The following PM20D1 variants were observed in gnomAD, a reference collection of about 807,000 sequenced individuals.
The protein encoded by PM20D1 is peptidase M20 domain containing 1.
A neutral mutation model predicts 53.8 loss-of-function variants in PM20D1; 53 were observed. That is an observed-to-expected ratio of 0.98 (90% CI 0.79 to 1.24). The LOEUF is 1.24. PM20D1 is among the 50% of genes most tolerant of loss of function. The probability of loss-of-function intolerance (pLI) is 0.00; values close to 1 mark genes in which losing one functional copy is unlikely to be tolerated. For missense variants in PM20D1, 564 were observed against 616.8 expected (o/e 0.91, Z 0.91); for synonymous variants, 239 against 241.3 (o/e 0.99, Z 0.09).
At position 205,832,739 on chromosome 1, in the gene PM20D1, CCACAATGTT is replaced by C. The variant is rs1656589392; in HGVS notation, c.1135_1143del (p.Asn379_Val381del). The stretch of plus-strand genomic sequence containing the variant: ...ACATGGAACTGGACTCTGTTATCAG[CCACAATGTT>C]CTTCGTGAGTTCTAGGACCTCCAGG... On this transcript the variant is annotated inframe_deletion, in exon 11 of 13. Transcript: ENST00000367136. The C allele has an allele frequency of 6.2e-7, 1 of 1,607,214 alleles. No homozygotes were observed. The highest frequency in any genetic ancestry group is 8.5e-7 in the Non-Finnish European group (1 of 1,176,990).
chr1:205,835,449 G>A (rs567483061), intron 10 of PM20D1, among the ~76,000 whole-genome samples: 1 of 151,980 alleles, frequency 6.6e-6, no homozygotes, highest in Non-Finnish European at 1.5e-5. Flanking sequence ...TCAGGAGATC[G>A]AGACCATCCT....
chr1:205,839,227 A>G (rs1191505994), intron 10 of PM20D1, among the ~76,000 whole-genome samples: 2 of 152,196 alleles, frequency 1.3e-5, no homozygotes, highest in African/African-American at 4.8e-5. Flanking sequence ...GCCACAATGA[A>G]TGTCTTACTT....
intron 10 of PM20D1, among the ~76,000 whole-genome samples, chr1:205,839,721 C>CA (rs959875406): frequency 1.3e-5 from 2 of 150,274 alleles, no homozygotes; most frequent in African/African-American, 4.9e-5. Flanking sequence ...ATACAAAGTA[C>CA]AAAAAATACA....
intron 1 of PM20D1, among the ~76,000 whole-genome samples, chr1:205,849,020 C>T (rs1388135790): frequency 6.6e-6 from 1 of 152,190 alleles, no homozygotes; most frequent in Non-Finnish European, 1.5e-5. Context: ...ATTATTTATG[C>T]TTTGGGAAAG....
At chr1:205,833,916 C>T (rs1301680308) in intron 10 of PM20D1, among the ~76,000 whole-genome samples, 4 of 151,590 alleles carry the variant, frequency 2.6e-5, no homozygotes, top group Non-Finnish European at 5.9e-5. Flanking sequence ...GGTGCGATCT[C>T]GGCTTACTGC....
intron 12 of PM20D1, 87 bp downstream of exon 12, chr1:205,830,193 G>T: frequency 1.9e-6 from 2 of 1,037,922 alleles, no homozygotes; most frequent in Non-Finnish European, 2.9e-6. Context: ...CCCTGATTCT[G>T]TGGACTGCCA....
chr1:205,835,715 G>C (rs972694907), intron 10 of PM20D1, among the ~76,000 whole-genome samples: 1 of 147,784 alleles, frequency 6.8e-6, no homozygotes, highest in African/African-American at 2.5e-5. Flanking sequence ...CACATGGTAA[G>C]CACTCAAAAA....
At chr1:205,847,006 CTTTTTTT>C (rs778538865) in intron 2 of PM20D1, among the ~76,000 whole-genome samples, 22 of 44,672 alleles carry the variant, frequency 4.9e-4, no homozygotes, top group South Asian at 3.7e-3. Context: ...TCCTTCCTTT[CTTTTTTT>C]TTTTTTTTTT....
In PM20D1 at chr1:205,845,311, A is replaced by T. The variant is rs1339990647; in HGVS notation, c.489+14T>A. 56 of 1,610,022 alleles carry T rather than the reference A, an allele frequency of 3.5e-5. No individual in the cohort carries two copies. The highest frequency in any genetic ancestry group is 4.5e-5 in the Non-Finnish European group (53 of 1,176,348). ...TTTAGGGCCCCAAGGCAGAGGGAAC[A>T]TTGCATCTCAGACCATCACAGAGTT... On this transcript the variant is annotated intron_variant, in intron 3 of 12. Transcript: ENST00000367136.
chr1:205,849,832 G>GA, intron 1 of PM20D1, 72 bp downstream of exon 1: 2 of 1,512,646 alleles, frequency 1.3e-6, no homozygotes, highest in South Asian at 2.6e-5. Context: ...CGGAAGCGGG[G>GA]AGTCACGGGT....
At chr1:205,833,183 A>G (rs1043235450) in intron 10 of PM20D1, among the ~76,000 whole-genome samples, 1 of 152,262 alleles carries the variant, frequency 6.6e-6, no homozygotes, top group African/African-American at 2.4e-5. Context: ...CATTTCAGCC[A>G]GGAACATGGA....
chr1:205,840,459 A>G, intron 9 of PM20D1, 136 bp from the exon 10 acceptor site: 1 of 673,302 alleles, frequency 1.5e-6, no homozygotes, highest in Non-Finnish European at 2.5e-6. Context: ...TAGCTTTTCT[A>G]GTCTGCCTCT....
At chr1:205,848,498 T>A (rs35946548) in intron 1 of PM20D1, among the ~76,000 whole-genome samples, 7,335 of 152,230 alleles carry the variant, frequency 0.048, 213 homozygotes, top group Middle Eastern at 0.082. Flanking sequence ...GGGCATATAA[T>A]GCCTGGGAAG....
At chr1:205,845,003 G>T in intron 3 of PM20D1, 106 bp from the exon 4 acceptor site, 1 of 907,568 alleles carries the variant, frequency 1.1e-6, no homozygotes, top group Non-Finnish European at 1.7e-6. Flanking sequence ...GTGGGATGAG[G>T]ATGTGATAGA....
chr1:205,841,206 G>A (rs1442573295), intron 9 of PM20D1, among the ~76,000 whole-genome samples: 1 of 152,170 alleles, frequency 6.6e-6, no homozygotes, highest in Non-Finnish European at 1.5e-5. Context: ...AAAAGAGTTA[G>A]GCTATGGAGG....
chr1:205,845,607 A>G (rs17348507), intron 2 of PM20D1, 50 bp from the exon 3 acceptor site: 71,299 of 1,491,854 alleles, frequency 0.048, 1,956 homozygotes, highest in African/African-American at 0.089. Flanking sequence ...CAGTTTCCTT[A>G]GGTTTTCCTA....
chr1:205,845,954 A>G (rs577644826), intron 2 of PM20D1, among the ~76,000 whole-genome samples: 1 of 151,944 alleles, frequency 6.6e-6, no homozygotes, highest in Admixed American at 6.6e-5. Context: ...GTGGTGGCTC[A>G]TGCCTGTAAT....
intron 10 of PM20D1, among the ~76,000 whole-genome samples, chr1:205,839,886 G>C (rs566427182): frequency 6.4e-4 from 80 of 124,282 alleles, no homozygotes; most frequent in Non-Finnish European, 1.2e-3. Flanking sequence ...ACTCCAGCCT[G>C]GGCGACAGAG....
chr1:205,842,097 TGGGGG>T, intron 8 of PM20D1, 52 bp downstream of exon 8: 3 of 1,527,282 alleles, frequency 2.0e-6, no homozygotes, highest in Non-Finnish European at 2.7e-6. Context: ...GAGAGGGGCC[TGGGGG>T]GTGGGTAGGT....
Sources: gnomAD v4.1 joint callset for allele counts (sites outside exome capture counted in the v4.1 genomes callset) on GRCh38, gnomAD v4.1.1 for gene constraint, MANE v1.5 for transcripts, NCBI Gene and HGNC (gene_info 2026-07-23, HGNC 2026-07-21) for gene names.